The following GPC5 variants were observed in gnomAD, a reference collection of about 807,000 sequenced individuals.
GPC5 encodes glypican 5.
In GPC5, 47 loss-of-function variants were observed where a neutral mutation model predicts 53.9. The ratio of observed to expected loss-of-function variants is 0.87; its 90% confidence interval spans 0.69 to 1.11. GPC5 has a LOEUF of 1.11. GPC5 is among the 50% of genes most tolerant of loss of function. The pLI is 0.00. For synonymous variants in GPC5, 286 were observed against 263.3 expected (o/e 1.09, Z -0.84); for missense variants, 748 against 713.1 (o/e 1.05, Z -0.56).
At chr13:92,666,595 T>C (rs35206958) in intron 7 of GPC5, among the ~76,000 whole-genome samples, 36,168 of 152,132 alleles carry the variant, frequency 0.24, 4,992 homozygotes, top group South Asian at 0.39. Context: ...AAATATACTT[T>C]GTAAGACAGG....
At chr13:91,691,749 T>C (rs2035761972) in intron 2 of GPC5, among the ~76,000 whole-genome samples, 1 of 152,190 alleles carries the variant, frequency 6.6e-6, no homozygotes, top group Non-Finnish European at 1.5e-5. Flanking sequence ...TTCTGCTTCA[T>C]TAGTAGCTCT....
At chr13:92,660,157 T>TA (rs150766114) in intron 7 of GPC5, among the ~76,000 whole-genome samples, 144 of 152,358 alleles carry the variant, frequency 9.5e-4, no homozygotes, top group African/African-American at 3.2e-3. Flanking sequence ...CCATAAAGCA[T>TA]ATAGTCTTGG....
chr13:92,123,710 G>T (rs2041670041), intron 6 of GPC5, among the ~76,000 whole-genome samples: 1 of 152,142 alleles, frequency 6.6e-6, no homozygotes, highest in South Asian at 2.1e-4. Context: ...TCAGAGAAGT[G>T]TAGTGACAAA....
intron 7 of GPC5, among the ~76,000 whole-genome samples, chr13:92,162,904 T>C (rs2042000361): frequency 6.6e-6 from 1 of 152,152 alleles, no homozygotes; most frequent in Non-Finnish European, 1.5e-5. Flanking sequence ...TGTGTGTTTA[T>C]AAAATTATAT....
At chr13:92,822,544 C>T (rs1877708643) in intron 7 of GPC5, among the ~76,000 whole-genome samples, 1 of 152,092 alleles carries the variant, frequency 6.6e-6, no homozygotes, top group South Asian at 2.1e-4. Flanking sequence ...AAGTCCAAGA[C>T]AAGGAACAGG....
chr13:91,510,296 C>A (rs1885168009), intron 2 of GPC5, among the ~76,000 whole-genome samples: 1 of 152,042 alleles, frequency 6.6e-6, no homozygotes, highest in Non-Finnish European at 1.5e-5. Flanking sequence ...TTGTTTAATG[C>A]ACGGAACAAG....
intron 2 of GPC5, among the ~76,000 whole-genome samples, chr13:91,542,486 A>G (rs2030002180): frequency 6.6e-6 from 1 of 152,208 alleles, no homozygotes; most frequent in Non-Finnish European, 1.5e-5. Flanking sequence ...TCAAAGTTAC[A>G]TTAATGTATT....
intron 7 of GPC5, among the ~76,000 whole-genome samples, chr13:92,243,316 T>A (rs1300657129): frequency 6.6e-6 from 1 of 152,172 alleles, no homozygotes; most frequent in African/African-American, 2.4e-5. Context: ...TAAAACTCAC[T>A]TGTATATTCA....
intron 2 of GPC5, among the ~76,000 whole-genome samples, chr13:91,645,649 G>A (rs1306825147): frequency 6.6e-6 from 1 of 152,144 alleles, no homozygotes; most frequent in Non-Finnish European, 1.5e-5. Flanking sequence ...CTACTACTAC[G>A]TTATGTATTA....
chr13:92,531,400 GAA>G (rs1881559027), intron 7 of GPC5, among the ~76,000 whole-genome samples: 1 of 151,196 alleles, frequency 6.6e-6, no homozygotes, highest in Admixed American at 6.6e-5. Context: ...TATATAGAGA[GAA>G]ATATGAAAAA....
chr13:92,392,761 A>G (rs887249310), intron 7 of GPC5, among the ~76,000 whole-genome samples: 4 of 152,240 alleles, frequency 2.6e-5, no homozygotes, highest in Non-Finnish European at 4.4e-5. Flanking sequence ...ACTGCTCAAA[A>G]GAAGACATAC....
chr13:92,092,824 G>T (rs896766590), intron 6 of GPC5, among the ~76,000 whole-genome samples: 3 of 152,088 alleles, frequency 2.0e-5, no homozygotes, highest in Non-Finnish European at 2.9e-5. Flanking sequence ...TTATTTAACT[G>T]ATTAATAAAT....
In GPC5 at chr13:92,535,829, G is replaced by T. The variant is rs114187446; in HGVS notation, c.1562-330453G>T. 1.9e-3 allele frequency among the ~76,000 whole-genome samples: 295 copies of T among 152,074 alleles called. 1 individual carries two copies. The highest frequency in any genetic ancestry group is 7.0e-3 in the African/African-American group (290 of 41,488). On this transcript the variant is annotated intron_variant, in intron 7 of 7. Coordinates refer to ENST00000377067, the MANE Select transcript of GPC5 (RefSeq NM_004466.6). ...GTATATTAGAAATGGAAACAACAAG[G>T]CATGGATGTTGGAATATAGCAAGTT...
chr13:91,785,055 G>A (rs567322228), intron 5 of GPC5, among the ~76,000 whole-genome samples: 1 of 152,090 alleles, frequency 6.6e-6, no homozygotes, highest in South Asian at 2.1e-4. Context: ...GTGGCTACAC[G>A]GATTCCACAT....
rs79359951 is a variant in GPC5, at chr13:92,829,447, T to A, written c.1562-36835T>A. ...AAAGATTCATTTACTGTTTTCTGAA[T>A]TGCTGAATGTAGTCATGGAGTTAAA... is the stretch of plus-strand genomic sequence containing the variant. On this transcript the variant is annotated intron_variant, in intron 7 of 7. Transcript: ENST00000377067. 7.4e-3 allele frequency among the ~76,000 whole-genome samples: 1,125 copies of A among 152,320 alleles called. 15 individuals carry two copies. Among genetic ancestry groups the A allele is most frequent in the African/African-American group, 0.026 (1,092 of 41,572 alleles).
At position 91,873,663 on chromosome 13, in the gene GPC5, C is replaced by A. The variant is rs115065074; in HGVS notation, c.1281-34274C>A. On this transcript the variant is annotated intron_variant, in intron 5 of 7. Transcript: ENST00000377067. ...TAAACCTCTTTTTCTGTATAAATTA[C>A]CCAGTCTTGGGTGTACCTTTAACAG... Among the ~76,000 whole-genome samples, 1,296 of 152,230 alleles carry A rather than the reference C, an allele frequency of 8.5e-3. 17 individuals are homozygous for A. The highest frequency in any genetic ancestry group is 0.022 in the African/African-American group (901 of 41,536).
At chr13:92,542,537 A>G (rs997657229) in intron 7 of GPC5, among the ~76,000 whole-genome samples, 2 of 151,784 alleles carry the variant, frequency 1.3e-5, no homozygotes, top group Non-Finnish European at 2.9e-5. Flanking sequence ...ATAAGTTTTG[A>G]TTACTTTGTT....
chr13:91,735,053 G>GTAAAA (rs1253081703), intron 4 of GPC5, among the ~76,000 whole-genome samples: 35 of 150,778 alleles, frequency 2.3e-4, no homozygotes, highest in Admixed American at 2.3e-3. Context: ...TTCATTTAAT[G>GTAAAA]TAAAATAAAA....
At chr13:91,638,485 C>T (rs528217877) in intron 2 of GPC5, among the ~76,000 whole-genome samples, 1 of 152,060 alleles carries the variant, frequency 6.6e-6, no homozygotes, top group Non-Finnish European at 1.5e-5. Context: ...CCTACCCCAG[C>T]GTCCCAAGTA....
Sources: gnomAD v4.1 joint callset for allele counts (sites outside exome capture counted in the v4.1 genomes callset) on GRCh38, gnomAD v4.1.1 for gene constraint, MANE v1.5 for transcripts, NCBI Gene and HGNC (gene_info 2026-07-23, HGNC 2026-07-21) for gene names.